The following SLC7A1 variants were observed in gnomAD, a reference collection of about 807,000 sequenced individuals.
SLC7A1 encodes high affinity cationic amino acid transporter 1.
SLC7A1 carries 10 observed loss-of-function variants against 53.9 expected under a neutral mutation model. That is an observed-to-expected ratio of 0.19 (90% CI 0.11 to 0.31). The LOEUF (loss-of-function observed/expected upper bound fraction) is 0.31. Ranked by LOEUF, SLC7A1 falls within the 10% of genes least tolerant of loss-of-function variation. The pLI is 1.00. For missense variants in SLC7A1, 525 were observed against 827.2 expected (o/e 0.63, Z 4.48); for synonymous variants, 342 against 338.7 (o/e 1.01, Z -0.11).
intron 1 of SLC7A1, among the ~76,000 whole-genome samples, chr13:29,569,140 C>T (rs1871089067): frequency 6.6e-6 from 1 of 152,144 alleles, no homozygotes. Context: ...CTGTTTGCCC[C>T]CAGAGCCACT....
chr13:29,525,001 C>T (rs1868818431), intron 5 of SLC7A1, among the ~76,000 whole-genome samples: 1 of 152,206 alleles, frequency 6.6e-6, no homozygotes, highest in African/African-American at 2.4e-5. Flanking sequence ...GCGCTATGGC[C>T]CCTCCCAGGG....
intron 1 of SLC7A1, among the ~76,000 whole-genome samples, chr13:29,572,588 G>GT (rs1165932022): frequency 6.6e-6 from 1 of 152,202 alleles, no homozygotes; most frequent in Non-Finnish European, 1.5e-5. Flanking sequence ...TGAGCCCAAG[G>GT]TAACTCTGAA....
chr13:29,571,660 C>T (rs927461430), intron 1 of SLC7A1, among the ~76,000 whole-genome samples: 8 of 152,220 alleles, frequency 5.3e-5, no homozygotes, highest in African/African-American at 1.7e-4. Context: ...TTACCTATTC[C>T]ACCAGAGGGG....
rs1200639913 is a variant in SLC7A1, at chr13:29,524,023, T to C, written c.826+109A>G. 5 of 1,052,694 alleles carry C rather than the reference T, an allele frequency of 4.7e-6. No individual in the cohort carries two copies. In the African/African-American group the frequency reaches 7.7e-5, roughly 16 times the overall value. 65.2% of individuals were successfully genotyped at this position (1,052,694 alleles called of 1,614,324 possible). On this transcript the variant is annotated intron_variant, in intron 6 of 12. Transcript: ENST00000380752. ...GCTACAAATCTACATGTTGCTCATGTGTGAAAGAGCGGCGACTGGACCGTG... is the reference window on the plus strand; with the variant it reads ...GCTACAAATCTACATGTTGCTCATGCGTGAAAGAGCGGCGACTGGACCGTG...
chr13:29,552,412 C>G lies in SLC7A1; in HGVS notation c.-15+1349G>C, dbSNP rs527300334. On this transcript the variant is annotated intron_variant, in intron 2 of 12. Coordinates refer to ENST00000380752, the MANE Select transcript of SLC7A1 (RefSeq NM_003045.5). ...TAGTTTAAAGTATTTTATAGTGGAA[C>G]TCTTTTTCCCAAATGTTGGGAACAG... 6.0e-4 allele frequency among the ~76,000 whole-genome samples: 92 copies of G among 152,280 alleles called. 2 individuals carry two copies. In the South Asian group the frequency reaches 0.011, roughly 18 times the overall value.
At chr13:29,520,011 C>T (rs1212611074) in intron 8 of SLC7A1, among the ~76,000 whole-genome samples, 2 of 152,044 alleles carry the variant, frequency 1.3e-5, no homozygotes, top group African/African-American at 2.4e-5. Context: ...TCCATCCTAT[C>T]GGTCCATCCA....
At chr13:29,524,283 C>A in intron 5 of SLC7A1, 30 bp from the exon 6 acceptor site, 1 of 1,613,748 alleles carries the variant, frequency 6.2e-7, no homozygotes, top group Non-Finnish European at 8.5e-7. Context: ...ACAAATGTCA[C>A]GTCACTCGCT....
intron 2 of SLC7A1, among the ~76,000 whole-genome samples, chr13:29,545,990 G>A (rs986300546): frequency 2.0e-5 from 3 of 152,194 alleles, no homozygotes; most frequent in Non-Finnish European, 4.4e-5. Context: ...AGACGCCCAC[G>A]CCCTGTGTGC....
chr13:29,523,259 C>T lies in SLC7A1; in HGVS notation c.1049+7G>A. 1 of 1,611,770 alleles carries T rather than the reference C, an allele frequency of 6.2e-7. No individual in the cohort carries two copies. The highest frequency in any genetic ancestry group is 8.5e-7 in the Non-Finnish European group (1 of 1,179,234). ...CTAGGAGCAGCCACCACAGAAAGGC[C>T]TCTCACCTGGCGGAAAGAGCGCAGA... On this transcript the variant is annotated splice_region_variant and intron_variant, in intron 7 of 12. Transcript: ENST00000380752.
intron 3 of SLC7A1, among the ~76,000 whole-genome samples, chr13:29,534,142 C>G (rs976574549): frequency 7.2e-5 from 11 of 152,180 alleles, no homozygotes; most frequent in Admixed American, 2.0e-4. Flanking sequence ...AGGGGCTACC[C>G]CAGCCTTTCT....
intron 2 of SLC7A1, among the ~76,000 whole-genome samples, chr13:29,542,326 G>A (rs1284031764): frequency 1.3e-5 from 2 of 152,054 alleles, no homozygotes; most frequent in South Asian, 2.1e-4. Flanking sequence ...GTGGTGGCAG[G>A]CGCCTGTAAT....
Position 29,511,649 on chromosome 13 carries a change from C to G in SLC7A1, c.*2831G>C, listed in dbSNP as rs1407336869. 6.6e-6 allele frequency: 1 copy of G among 152,234 alleles called. No individual in the cohort carries two copies. The highest frequency in any genetic ancestry group is 1.9e-4 in the East Asian group (1 of 5,180). The allele number at this position is 152,234 out of a possible 1,614,324, so 9.4% of individuals were successfully genotyped here. A position where few individuals can be genotyped will look rare whatever the true frequency, so the allele number is the denominator to read the frequency against. ...GCCTCCCTGGAGACCCACTTCATCC[C>G]CCTCTTCAGCAGAGGTCCTGAGGCA... On this transcript the variant is annotated 3_prime_UTR_variant, in exon 13 of 13. Transcript: ENST00000380752.
Position 29,527,535 on chromosome 13 carries a change from CTCA to C in SLC7A1, c.704+3000_704+3002del, listed in dbSNP as rs1241232780. ...TACATGCGTGTGGCAGTTGTGTTCA[CTCA>C]TCATCTGGCAACTCACATGTGAAAG... On this transcript the variant is annotated intron_variant, in intron 5 of 12. Transcript: ENST00000380752. Among the ~76,000 whole-genome samples, 3 of 152,194 alleles carry C rather than the reference CTCA, an allele frequency of 2.0e-5. No homozygotes were observed. In the South Asian group the frequency reaches 6.2e-4, roughly 32 times the overall value.
Position 29,588,964 on chromosome 13 carries a change from G to A in SLC7A1, c.-115+6452C>T, listed in dbSNP as rs906793229. ...TGGGTCCCAGAAACTGCACCCTAAC[G>A]CCCCCAGCTCCTAGACCAGGCCTCA... On this transcript the variant is annotated intron_variant, in intron 1 of 12. Coordinates refer to ENST00000380752, the MANE Select transcript of SLC7A1 (RefSeq NM_003045.5). 6.6e-5 allele frequency among the ~76,000 whole-genome samples: 10 copies of A among 152,222 alleles called. No individual in the cohort carries two copies. The East Asian group carries it at 7.7e-4, about 12-fold the overall frequency.
intron 1 of SLC7A1, among the ~76,000 whole-genome samples, chr13:29,560,126 T>C (rs1186051460): frequency 6.6e-6 from 1 of 151,682 alleles, no homozygotes; most frequent in Non-Finnish European, 1.5e-5. Flanking sequence ...TTTTCTATTT[T>C]GAATTTTTTT....
chr13:29,516,884 CTT>C, intron 11 of SLC7A1: 1 of 408,744 alleles, frequency 2.4e-6, no homozygotes, highest in Non-Finnish European at 4.3e-6. Flanking sequence ...CGAGGTCTCT[CTT>C]GGCCTGTGTC....
At chr13:29,576,293 T>TTTTAAAAAAAAAA (rs552407983) in intron 1 of SLC7A1, among the ~76,000 whole-genome samples, 14 of 124,964 alleles carry the variant, frequency 1.1e-4, no homozygotes, top group African/African-American at 5.1e-4. Context: ...TCCTGTTTTT[T>TTTTAAAAAAAAAA]AAAAAAAAAA....
intron 1 of SLC7A1, among the ~76,000 whole-genome samples, chr13:29,568,573 C>A (rs1156395147): frequency 6.6e-6 from 1 of 152,246 alleles, no homozygotes; most frequent in Non-Finnish European, 1.5e-5. Flanking sequence ...TCACCTTGCA[C>A]ACAGCAGTGC....
chr13:29,576,293 T>TAAAAAAAAAAAAA lies in SLC7A1; in HGVS notation c.-115+19110_-115+19122dup, dbSNP rs3069134. ...GGTATCAGTATGAGATCCTGTTTTT[T>TAAAAAAAAAAAAA]AAAAAAAAAAAAAAGGAAAGAAAAC... On this transcript the variant is annotated intron_variant, in intron 1 of 12. Coordinates refer to ENST00000380752, the MANE Select transcript of SLC7A1 (RefSeq NM_003045.5). Among the ~76,000 whole-genome samples the TAAAAAAAAAAAAA allele has an allele frequency of 4.9e-3, 606 of 124,816 alleles. 14 individuals are homozygous for TAAAAAAAAAAAAA. The highest frequency in any genetic ancestry group is 0.022 in the African/African-American group (589 of 27,204). The allele number at this position is 124,816 out of a possible 152,430, so 81.9% of individuals were successfully genotyped here. A position where few individuals can be genotyped will look rare whatever the true frequency, so the allele number is the denominator to read the frequency against.
Sources: gnomAD v4.1 joint callset for allele counts (sites outside exome capture counted in the v4.1 genomes callset) on GRCh38, gnomAD v4.1.1 for gene constraint, MANE v1.5 for transcripts, NCBI Gene and HGNC (gene_info 2026-07-23, HGNC 2026-07-21) for gene names.